The following BSND variants were observed in gnomAD, a reference collection of about 807,000 sequenced individuals.
BSND encodes the protein barttin.
BSND carries 13 observed loss-of-function variants against 18.8 expected under a neutral mutation model. That is an observed-to-expected ratio of 0.69 (90% CI 0.45 to 1.10). The LOEUF (loss-of-function observed/expected upper bound fraction) is 1.10, where lower values mean the gene tolerates loss of function less well. Among genes scored for constraint, BSND ranks in the 50% least tolerant of loss-of-function variants. The pLI is 0.00. For synonymous variants in BSND, 170 were observed against 161.8 expected (o/e 1.05, Z -0.39); for missense variants, 379 against 416.7 (o/e 0.91, Z 0.79).
rs1644438100 is a variant in BSND at position 55,014,238 on chromosome 1, C to T, written c.*5610C>T. On this transcript the variant is annotated 3_prime_UTR_variant, in exon 4 of 4. Coordinates refer to ENST00000651561, the MANE Select transcript of BSND (RefSeq NM_057176.3). ...GGTGCCCACTCTGAAGGCTCATGGC[C>T]CAGGGGCATGGACTCCTAGCCCAGG... Among the ~76,000 whole-genome samples the T allele has an allele frequency of 6.6e-6, 1 of 152,206 alleles. No individual in the cohort carries two copies. The highest frequency in any genetic ancestry group is 2.4e-5 in the African/African-American group (1 of 41,444).
rs1644442564 is a variant in BSND at position 55,014,985 on chromosome 1, G to A, written c.*6357G>A. Reference sequence around the variant, plus strand: ...AGGAGACTGTCCTGGCTGGAGTGGTGGAGGACAGGGTCAGAGAGGGAGGCC... The same window carrying A: ...AGGAGACTGTCCTGGCTGGAGTGGTAGAGGACAGGGTCAGAGAGGGAGGCC... On this transcript the variant is annotated 3_prime_UTR_variant, in exon 4 of 4. Coordinates refer to ENST00000651561, the MANE Select transcript of BSND (RefSeq NM_057176.3). 6.6e-6 allele frequency among the ~76,000 whole-genome samples: 1 copy of A among 152,182 alleles called. No homozygotes were observed. The highest frequency in any genetic ancestry group is 2.4e-5 in the African/African-American group (1 of 41,428).
intron 1 of BSND, among the ~76,000 whole-genome samples, chr1:55,004,148 G>A (rs1644377238): frequency 6.6e-6 from 1 of 152,224 alleles, no homozygotes; most frequent in South Asian, 2.1e-4. Flanking sequence ...CAGTGATGTT[G>A]TAGCATGTGT....
rs1644420897 is a variant in BSND, at chr1:55,011,241, G to A, written c.*2613G>A. Reference sequence around the variant, plus strand: ...CTCCCTGGCTCTTGCTGCATGATGGGGAGACCACACACCTGATCTGCCCAG... The same window carrying A: ...CTCCCTGGCTCTTGCTGCATGATGGAGAGACCACACACCTGATCTGCCCAG... On this transcript the variant is annotated 3_prime_UTR_variant, in exon 4 of 4. Transcript: ENST00000651561. The A allele has an allele frequency of 6.6e-6, 1 of 152,236 alleles. No homozygotes were observed. The highest frequency in any genetic ancestry group is 6.5e-5 in the Admixed American group (1 of 15,272). The allele number at this position is 152,236 out of a possible 1,614,324, so 9.4% of individuals were successfully genotyped here.
intron 1 of BSND, among the ~76,000 whole-genome samples, chr1:55,004,268 C>G (rs949145069): frequency 4.6e-5 from 7 of 152,242 alleles, no homozygotes; most frequent in African/African-American, 1.7e-4. Context: ...CCTCTTGGCT[C>G]TTGTGAATAC....
rs1644440585 is a variant in BSND, at chr1:55,014,590, T to G, written c.*5962T>G. On this transcript the variant is annotated 3_prime_UTR_variant, in exon 4 of 4. Transcript: ENST00000651561. The stretch of plus-strand genomic sequence containing the variant: ...GGGTCGTTCAAGCCTACAAGCACTG[T>G]GTCATCCAAGCACATGTATAATTCG... Among the ~76,000 whole-genome samples the G allele has an allele frequency of 6.6e-6, 1 of 152,214 alleles. No individual in the cohort carries two copies. Among genetic ancestry groups the G allele is most frequent in the African/African-American group, 2.4e-5 (1 of 41,450 alleles).
In BSND at chr1:55,015,896, C is replaced by T. The variant is rs551295803; in HGVS notation, c.*7268C>T. Among the ~76,000 whole-genome samples, 3 of 152,304 alleles carry T rather than the reference C, an allele frequency of 2.0e-5. No homozygotes were observed. Among genetic ancestry groups the T allele is most frequent in the South Asian group, 4.2e-4 (2 of 4,816 alleles). ...CCACCAAGCTATGTCCTGAAGGATT[C>T]GCTAGGGAAGAGCAGGGAGGGAGAA... On this transcript the variant is annotated 3_prime_UTR_variant, in exon 4 of 4. Coordinates refer to ENST00000651561, the MANE Select transcript of BSND (RefSeq NM_057176.3).
intron 1 of BSND, 73 bp from the exon 2 acceptor site, chr1:55,004,949 C>A: frequency 1.4e-6 from 2 of 1,434,558 alleles, no homozygotes; most frequent in Non-Finnish European, 9.8e-7. Flanking sequence ...GAGAGGTTTG[C>A]CAATTCCCTG....
At position 55,015,753 on chromosome 1, in the gene BSND, C is replaced by A. The variant is rs1400909308; in HGVS notation, c.*7125C>A. ...ACCCATGCTTGTCTTGGGGGAACCT[C>A]TACTACCCCGGGCTAACTGCAGAGT... On this transcript the variant is annotated 3_prime_UTR_variant, in exon 4 of 4. Coordinates refer to ENST00000651561, the MANE Select transcript of BSND (RefSeq NM_057176.3). Among the ~76,000 whole-genome samples, 1 of 152,228 alleles carries A rather than the reference C, an allele frequency of 6.6e-6. No homozygotes were observed. The highest frequency in any genetic ancestry group is 2.4e-5 in the African/African-American group (1 of 41,452).
rs543000844 is a variant in BSND, at chr1:55,003,950, A to G, written c.178-1072A>G. ...ACATTGTCATCCAACCAATTTCCAG[A>G]ATGCTTTTTGTCTTGTAAAGCTAAA... On this transcript the variant is annotated intron_variant, in intron 1 of 3. Coordinates refer to ENST00000651561, the MANE Select transcript of BSND (RefSeq NM_057176.3). Among the ~76,000 whole-genome samples the G allele has an allele frequency of 5.3e-5, 8 of 152,310 alleles. No homozygotes were observed. In the South Asian group the frequency reaches 1.5e-3, roughly 28 times the overall value.
chr1:54,999,427 C>T (rs1644350435), intron 1 of BSND, 64 bp downstream of exon 1: 10 of 1,520,446 alleles, frequency 6.6e-6, no homozygotes, highest in Non-Finnish European at 8.0e-6. Context: ...GACACTGTGC[C>T]TGTATGCCAT....
Position 55,012,950 on chromosome 1 carries a change from G to A in BSND, c.*4322G>A, listed in dbSNP as rs1389460591. ...GGTGCTTCCCATAAATCATTTCATT[G>A]AATTTAATTTTTCCATCTGCCCTGA... On this transcript the variant is annotated 3_prime_UTR_variant, in exon 4 of 4. Transcript: ENST00000651561. Among the ~76,000 whole-genome samples the A allele has an allele frequency of 6.6e-6, 1 of 152,108 alleles. No individual in the cohort carries two copies. The highest frequency in any genetic ancestry group is 1.5e-5 in the Non-Finnish European group (1 of 68,026).
In BSND at chr1:55,007,061, G is replaced by T. The variant is rs1246014656; in HGVS notation, c.337G>T (p.Asp113Tyr). 6.2e-7 allele frequency: 1 copy of T among 1,614,200 alleles called. No homozygotes were observed. The highest frequency in any genetic ancestry group is 1.3e-5 in the African/African-American group (1 of 75,056). The change falls in exon 3 of 4, where the codon GAC becomes TAC. Residue 113 changes from aspartate to tyrosine, a missense_variant. Coordinates refer to ENST00000651561, the MANE Select transcript of BSND (RefSeq NM_057176.3). ...AGCCGCCTATGACCAGAGCCTGCCTGACTTCAGCCACATCCAGATGAAAGT... is the reference window on the plus strand; with the variant it reads ...AGCCGCCTATGACCAGAGCCTGCCTTACTTCAGCCACATCCAGATGAAAGT... ...EEAAYDQSLP[D>Y]FSHIQMKVMS...
Position 55,016,819 on chromosome 1 carries a change from G to A in BSND, c.*8191G>A, listed in dbSNP as rs149654666. Among the ~76,000 whole-genome samples, 25 of 152,340 alleles carry A rather than the reference G, an allele frequency of 1.6e-4. 1 individual carries two copies. The highest frequency in any genetic ancestry group is 2.8e-4 in the Non-Finnish European group (19 of 68,038). On this transcript the variant is annotated 3_prime_UTR_variant, in exon 4 of 4. Transcript: ENST00000651561. ...GAAGGCAGTTTATCATAGCGTTGAT[G>A]ATGGTAGATGAAATGTGGAAAGAAT...
Position 55,007,109 on chromosome 1 carries a change from C to T in BSND, c.385C>T (p.Arg129Cys), listed in dbSNP as rs757283527. 1.9e-5 allele frequency: 31 copies of T among 1,614,092 alleles called. No individual in the cohort carries two copies. The highest frequency in any genetic ancestry group is 1.6e-4 in the Middle Eastern group (1 of 6,084). ...AGTCATGAGCTACAGTGAGGACCACCGCTCCTTGCTGGCCCCTGAGATGGG... is the reference window on the plus strand; with the variant it reads ...AGTCATGAGCTACAGTGAGGACCACTGCTCCTTGCTGGCCCCTGAGATGGG... The part of the protein sequence containing the change: ...MKVMSYSEDH[R>C]SLLAPEMGQP... The change falls in exon 3 of 4, where the codon CGC becomes TGC. Residue 129 changes from arginine (R) to cysteine (C), a missense_variant. Transcript: ENST00000651561.
chr1:55,015,364 T>C lies in BSND; in HGVS notation c.*6736T>C, dbSNP rs1227050989. On this transcript the variant is annotated 3_prime_UTR_variant, in exon 4 of 4. Coordinates refer to ENST00000651561, the MANE Select transcript of BSND (RefSeq NM_057176.3). ...CAGGGAACCCTGTGGCAGAGGCTGT[T>C]GCTTCCCGCCAAGACACCAGGGCCC... Among the ~76,000 whole-genome samples, 3 of 152,176 alleles carry C rather than the reference T, an allele frequency of 2.0e-5. No individual in the cohort carries two copies. Among genetic ancestry groups the C allele is most frequent in the Non-Finnish European group, 4.4e-5 (3 of 68,028 alleles).
In BSND at chr1:55,013,937, AC is replaced by A. The variant is rs774192428; in HGVS notation, c.*5312del. On this transcript the variant is annotated 3_prime_UTR_variant, in exon 4 of 4. Transcript: ENST00000651561. ...CATCCCCTTCTCTGTCATCCCTCAA[AC>A]CCTACCTGTTCCCTGGAGCCTGAAT... 4.4e-4 allele frequency among the ~76,000 whole-genome samples: 67 copies of A among 151,310 alleles called. No homozygotes were observed. Among genetic ancestry groups the A allele is most frequent in the Non-Finnish European group, 8.7e-4 (59 of 67,760 alleles).
Position 55,009,114 on chromosome 1 carries a change from A to C in BSND, c.*486A>C. On this transcript the variant is annotated 3_prime_UTR_variant, in exon 4 of 4. Coordinates refer to ENST00000651561, the MANE Select transcript of BSND (RefSeq NM_057176.3). ...CCATCGCTCCTTGGCCAGGACCCAA[A>C]ACCTTCTGTGACTGACCCCTGCTGA... 1 of 204,852 alleles carries C rather than the reference A, an allele frequency of 4.9e-6. No individual in the cohort carries two copies. The highest frequency in any genetic ancestry group is 9.9e-6 in the Non-Finnish European group (1 of 100,574). 12.7% of individuals were successfully genotyped at this position (204,852 alleles called of 1,614,324 possible).
rs533607966 is a variant in BSND, at chr1:55,012,695, T to G, written c.*4067T>G. Among the ~76,000 whole-genome samples, 2 of 152,260 alleles carry G rather than the reference T, an allele frequency of 1.3e-5. No individual in the cohort carries two copies. Among genetic ancestry groups the G allele is most frequent in the East Asian group, 3.9e-4 (2 of 5,174 alleles). The stretch of plus-strand genomic sequence containing the variant: ...GTGCATTCACCAGGAGGAAGATGCA[T>G]GTAAAAGCTTCTTGCAAGGGGTAAA... On this transcript the variant is annotated 3_prime_UTR_variant, in exon 4 of 4. Transcript: ENST00000651561.
In BSND at chr1:55,014,836, G is replaced by C. The variant is rs189464373; in HGVS notation, c.*6208G>C. On this transcript the variant is annotated 3_prime_UTR_variant, in exon 4 of 4. Coordinates refer to ENST00000651561, the MANE Select transcript of BSND (RefSeq NM_057176.3). Reference sequence around the variant, plus strand: ...ATGAGTTATCAAACATTGGATAGCTGGTAGGCAACCCAGAAGAGGTGGGAG... The same window carrying C: ...ATGAGTTATCAAACATTGGATAGCTCGTAGGCAACCCAGAAGAGGTGGGAG... 1.3e-5 allele frequency among the ~76,000 whole-genome samples: 2 copies of C among 152,294 alleles called. No homozygotes were observed. The highest frequency in any genetic ancestry group is 2.9e-5 in the Non-Finnish European group (2 of 68,024).
Sources: gnomAD v4.1 joint callset for allele counts (sites outside exome capture counted in the v4.1 genomes callset) on GRCh38, gnomAD v4.1.1 for gene constraint, MANE v1.5 for transcripts, NCBI Gene and HGNC (gene_info 2026-07-23, HGNC 2026-07-21) for gene names.